Variants in MTRFR observed in about 807,000 individuals in gnomAD.
MTRFR encodes probable peptide chain release factor C12orf65, mitochondrial.
Under a neutral mutation model 11.9 loss-of-function variants are expected in MTRFR, and 10 were observed. That is an observed-to-expected ratio of 0.84 (90% confidence interval 0.52 to 1.42). The LOEUF is 1.42. Among genes scored for constraint, MTRFR ranks in the 40% most tolerant of loss-of-function variants. The pLI, the probability that MTRFR is intolerant of heterozygous loss-of-function variation, is 0.00. For synonymous variants in MTRFR, 77 were observed against 79.1 expected (o/e 0.97, Z 0.14); for missense variants, 196 against 197.9 (o/e 0.99, Z 0.06).
At chr12:123,254,038 G>C (rs2048152171) in intron 2 of MTRFR, 82 bp downstream of exon 2, 2 of 1,540,002 alleles carry the variant, frequency 1.3e-6, no homozygotes, top group Non-Finnish European at 1.8e-6. Context: ...AGTGTGAATG[G>C]GATCAGCCGA....
rs902971327 is a variant in MTRFR, at chr12:123,257,111, T to A, written c.*80T>A. 6 of 1,039,628 alleles carry A rather than the reference T, an allele frequency of 5.8e-6. No individual in the cohort carries two copies. Among genetic ancestry groups the A allele is most frequent in the South Asian group, 5.4e-5 (4 of 73,732 alleles). The allele number at this position is 1,039,628 out of a possible 1,614,324, so 64.4% of individuals were successfully genotyped here. A position where few individuals can be genotyped will look rare whatever the true frequency, so the allele number is the denominator to read the frequency against. ...ATGGTGGCGAGTTCCATCACCAGCA[T>A]TATTATAGTGCTTCAAAAGAAATAT... On this transcript the variant is annotated 3_prime_UTR_variant, in exon 3 of 3. Coordinates refer to ENST00000253233, the MANE Select transcript of MTRFR (RefSeq NM_152269.5).
chr12:123,246,276 C>T (rs982618009), intron 1 of MTRFR, among the ~76,000 whole-genome samples: 1 of 151,994 alleles, frequency 6.6e-6, no homozygotes, highest in Non-Finnish European at 1.5e-5. Flanking sequence ...TGGTCTTGAA[C>T]TCCCAATCTC....
At position 123,253,933 on chromosome 12, in the gene MTRFR, A is replaced by C; in HGVS notation, c.259A>C (p.Ile87Leu). 6.2e-7 allele frequency: 1 copy of C among 1,614,182 alleles called. No individual in the cohort carries two copies. Among genetic ancestry groups the C allele is most frequent in the Non-Finnish European group, 8.5e-7 (1 of 1,180,016 alleles). Residue 87 changes from isoleucine (I) to leucine (L), a missense_variant, in exon 2 of 3, where the codon ATC (isoleucine) becomes CTC (leucine). Physicochemically the swap from Ile to Leu is conservative, Grantham distance 5. Transcript: ENST00000253233. The part of the protein sequence containing the change: ...KTSNCVVLKH[I>L]PSGIVVKCHQ... Reference sequence around the variant, plus strand: ...CAGCAACTGCGTGGTGCTGAAGCACATCCCCTCAGGCATCGTTGTAAAGGT... The same window carrying C: ...CAGCAACTGCGTGGTGCTGAAGCACCTCCCCTCAGGCATCGTTGTAAAGGT...
chr12:123,245,797 C>G (rs1029803396), intron 1 of MTRFR, among the ~76,000 whole-genome samples: 38 of 152,100 alleles, frequency 2.5e-4, no homozygotes, highest in African/African-American at 8.9e-4. Flanking sequence ...GTTCTAGGAG[C>G]TTTCTGGAGG....
At chr12:123,248,331 C>G (rs1397715352) in intron 1 of MTRFR, 1 of 152,264 alleles carries the variant, frequency 6.6e-6, no homozygotes, top group African/African-American at 2.4e-5. Flanking sequence ...CCTGAGAAAT[C>G]TGCTGTTAAT....
chr12:123,243,897 C>T (rs1465959002), intron 1 of MTRFR: 1 of 152,194 alleles, frequency 6.6e-6, no homozygotes, highest in Non-Finnish European at 1.5e-5. Flanking sequence ...GCTTCCTCCT[C>T]AGTGGGTATC....
rs560072046 is a variant in MTRFR, at chr12:123,236,901, C to G, written c.-29+3370C>G. ...GAGTTCAACACCAGCCTGAGAAACA[C>G]GGTGAATCCCCATCTCTACTAAAAA... On this transcript the variant is annotated intron_variant, in intron 1 of 2. Transcript: ENST00000253233. Among the ~76,000 whole-genome samples, 29 of 151,932 alleles carry G rather than the reference C, an allele frequency of 1.9e-4. No individual in the cohort carries two copies. The East Asian group carries it at 5.4e-3, about 29-fold the overall frequency.
rs2048150318 is a variant in MTRFR at position 123,253,957 on chromosome 12, G to A, written c.282+1G>A. 6.2e-7 allele frequency: 1 copy of A among 1,614,110 alleles called. No homozygotes were observed. Among genetic ancestry groups the A allele is most frequent in the East Asian group, 2.2e-5 (1 of 44,876 alleles). On this transcript the variant is annotated splice_donor_variant, in intron 2 of 2. Coordinates refer to ENST00000253233, the MANE Select transcript of MTRFR (RefSeq NM_152269.5). LOFTEE classifies it high-confidence loss of function. ...CATCCCCTCAGGCATCGTTGTAAAG[G>A]TAGATCACAGAAGGCCGCTGAGGGG...
At position 123,256,796 on chromosome 12, in the gene MTRFR, A is replaced by G. The variant is rs1210592327; in HGVS notation, c.283-17A>G. 2.5e-6 allele frequency: 4 copies of G among 1,594,606 alleles called. No homozygotes were observed. Among genetic ancestry groups the G allele is most frequent in the East Asian group, 2.2e-5 (1 of 44,758 alleles). On this transcript the variant is annotated splice_polypyrimidine_tract_variant and intron_variant, in intron 2 of 2. Transcript: ENST00000253233. ...ACATCCTGTGGTTTTCACATTATAA[A>G]ATATTATCTCTTACAGTGCCATCAG...
chr12:123,247,018 C>T (rs542997880), intron 1 of MTRFR, among the ~76,000 whole-genome samples: 41 of 152,002 alleles, frequency 2.7e-4, no homozygotes, highest in African/African-American at 8.0e-4. Context: ...CGTGAGCCAC[C>T]GCTCACGCCT....
chr12:123,243,529 CAA>C (rs55817401), intron 1 of MTRFR, among the ~76,000 whole-genome samples: 13,643 of 117,634 alleles, frequency 0.12, 735 homozygotes, highest in East Asian at 0.3. Context: ...GACTCCGTCT[CAA>C]AAAAAAAAAA....
intron 1 of MTRFR, chr12:123,249,810 G>A (rs1338639035): frequency 6.6e-6 from 1 of 152,338 alleles, no homozygotes; most frequent in Non-Finnish European, 1.5e-5. Flanking sequence ...AGGGCTACTA[G>A]CACATTGTCA....
At chr12:123,249,537 C>T in intron 1 of MTRFR, 1 of 153,538 alleles carries the variant, frequency 6.5e-6, no homozygotes, top group South Asian at 2.0e-4. Context: ...GGGGACCCGG[C>T]ACACCCTCCA....
chr12:123,235,734 T>C (rs1039744799), intron 1 of MTRFR, among the ~76,000 whole-genome samples: 11 of 151,746 alleles, frequency 7.2e-5, no homozygotes, highest in Non-Finnish European at 1.2e-4. Flanking sequence ...TTCTACTCTT[T>C]CCCCCTTCTC....
chr12:123,244,724 A>G (rs567781220), intron 1 of MTRFR, among the ~76,000 whole-genome samples: 4 of 151,462 alleles, frequency 2.6e-5, no homozygotes, highest in African/African-American at 9.7e-5. Flanking sequence ...CCTCCGCCTC[A>G]TGGGTTCAAG....
chr12:123,249,941 A>G (rs997822134), intron 1 of MTRFR: 1 of 152,202 alleles, frequency 6.6e-6, no homozygotes, highest in Non-Finnish European at 1.5e-5. Context: ...AGGCCGGGGA[A>G]GTTTTCCTCG....
chr12:123,255,573 C>T (rs759936727), intron 2 of MTRFR, among the ~76,000 whole-genome samples: 49 of 152,098 alleles, frequency 3.2e-4, no homozygotes, highest in African/African-American at 1.1e-3. Flanking sequence ...CCTCCCGCCT[C>T]GGCCTCCCGA....
rs1372097501 is a variant in MTRFR at position 123,253,792 on chromosome 12, C to T, written c.118C>T (p.Pro40Ser). The T allele has an allele frequency of 2.5e-6, 4 of 1,614,104 alleles. No homozygotes were observed. The Admixed American group carries it at 5.0e-5, about 20-fold the overall frequency. The change falls in exon 2 of 3, where the codon CCG (proline) becomes TCG (serine). Residue 40 changes from proline to serine, a missense_variant. Pro to Ser is a moderately conservative substitution (Grantham distance 74). Coordinates refer to ENST00000253233, the MANE Select transcript of MTRFR (RefSeq NM_152269.5). ...GTTATCCCCAGGAATAGCTGTCACT[C>T]CGGTCCAGATGGCAGGCAAGAAGGA... ...TLLSPGIAVT[P>S]VQMAGKKDYP...
chr12:123,242,451 G>T (rs1246747414), intron 1 of MTRFR, among the ~76,000 whole-genome samples: 1 of 152,118 alleles, frequency 6.6e-6, no homozygotes, highest in Non-Finnish European at 1.5e-5. Flanking sequence ...GGATTACTCT[G>T]TATCACAAAC....
Sources: allele counts gnomAD v4.1 joint callset (sites outside exome capture counted in the v4.1 genomes callset), GRCh38; gene constraint gnomAD v4.1.1; transcripts MANE v1.5; gene names NCBI Gene and HGNC (gene_info 2026-07-23, HGNC 2026-07-21).